LPAR5: variants seen among roughly 807,000 people sequenced by gnomAD.
LPAR5 encodes the protein G protein-coupled receptor 92.
For synonymous variants in LPAR5, 271 were observed against 261.6 expected (o/e 1.04, Z -0.35); for missense variants, 544 against 521.8 (o/e 1.04, Z -0.41).
Position 6,621,307 on chromosome 12 carries a change from G to T in LPAR5, c.-59C>A. ...ATGCCATGGAGCACACCAGAATCAT[G>T]GCATGGCATTCACCTCCGGGGCTGG... is the stretch of plus-strand genomic sequence containing the variant. On this transcript the variant is annotated 5_prime_UTR_variant, in exon 2 of 2. Transcript: ENST00000329858. The T allele has an allele frequency of 7.0e-7, 1 of 1,426,150 alleles. No homozygotes were observed. Among genetic ancestry groups the T allele is most frequent in the Non-Finnish European group, 9.2e-7 (1 of 1,087,146 alleles). The allele number at this position is 1,426,150 out of a possible 1,614,324, so 88.3% of individuals were successfully genotyped here.
At position 6,620,050 on chromosome 12, in the gene LPAR5, T is replaced by C. The variant is rs754793381; in HGVS notation, c.*80A>G. 4 of 1,572,312 alleles carry C rather than the reference T, an allele frequency of 2.5e-6. No individual in the cohort carries two copies. The South Asian group carries it at 4.6e-5, about 18-fold the overall frequency. ...CAAAGGTCCAAGTGCCCAGCCCACC[T>C]TCTTGTGTGTACACCCTGTAAGCCT... On this transcript the variant is annotated 3_prime_UTR_variant, in exon 2 of 2. Coordinates refer to ENST00000329858, the MANE Select transcript of LPAR5 (RefSeq NM_020400.6). This position sits in a 1 kb window ranked among gnomAD's most constrained non-coding sequence, Gnocchi z 6.8.
In LPAR5 at chr12:6,621,224, T is replaced by C. The variant is rs747333675; in HGVS notation, c.25A>G (p.Asn9Asp). 4 of 1,514,874 alleles carry C rather than the reference T, an allele frequency of 2.6e-6. No homozygotes were observed. The highest frequency in any genetic ancestry group is 3.5e-6 in the Non-Finnish European group (4 of 1,130,926). 93.8% of individuals were successfully genotyped at this position (1,514,874 alleles called of 1,614,324 possible). The change falls in exon 2 of 2, where the codon AAC becomes GAC. Residue 9 changes from asparagine (N) to aspartate (D), a missense_variant. By Grantham distance (23) the Asn-to-Asp change is conservative. Transcript: ENST00000329858. MLANSSST[N>D]SSVLPCPDYR... ...TCAGGACACGGGAGAACAGAACTGTTGGTTGAGGAGCTGTTGGCTAACATC... is the reference window on the plus strand; with the variant it reads ...TCAGGACACGGGAGAACAGAACTGTCGGTTGAGGAGCTGTTGGCTAACATC...
chr12:6,625,392 G>T (rs139538304), intron 1 of LPAR5, among the ~76,000 whole-genome samples: 3,431 of 122,864 alleles, frequency 0.028, 65 homozygotes, highest in South Asian at 0.042. Context: ...GCCACTGCAC[G>T]CCAGCCTGGG....
At position 6,620,864 on chromosome 12, in the gene LPAR5, G is replaced by A; in HGVS notation, c.385C>T (p.Leu129=). ...RYAAIVHPLR[L]RHLRRPRVAR... is the part of the protein sequence containing the mutation. ...ACGCGGGGCCGCCGCAGGTGGCGCA[G>A]TCGCAGCGGGTGCACGATGGCGGCG... The change falls in exon 2 of 2, where the codon CTG becomes TTG. Residue 129 remains leucine, a synonymous_variant. Coordinates refer to ENST00000329858, the MANE Select transcript of LPAR5 (RefSeq NM_020400.6). The surrounding 1 kb of genome is among the most constrained non-coding windows in gnomAD (Gnocchi z 6.8). 1.3e-6 allele frequency: 2 copies of A among 1,567,372 alleles called. No homozygotes were observed. The highest frequency in any genetic ancestry group is 1.7e-6 in the Non-Finnish European group (2 of 1,155,842).
chr12:6,620,272 C>G lies in LPAR5; in HGVS notation c.977G>C (p.Arg326Pro). 2 of 1,606,160 alleles carry G rather than the reference C, an allele frequency of 1.2e-6. No individual in the cohort carries two copies. The highest frequency in any genetic ancestry group is 1.7e-6 in the Non-Finnish European group (2 of 1,176,348). The change falls in exon 2 of 2, where the codon CGG (arginine) becomes CCG (proline). Residue 326 changes from arginine (R) to proline (P), a missense_variant. Physicochemically the swap from Arg to Pro is moderately radical, Grantham distance 103. Transcript: ENST00000329858. This position sits in a 1 kb window ranked among gnomAD's most constrained non-coding sequence, Gnocchi z 6.8. ...CCTTTCGGATTGCGCGAGCGCCGCC[C>G]GCGTCCCGTTGGTGGCCGAGGTCCT... is the stretch of plus-strand genomic sequence containing the variant. ...RARTSATNGT[R>P]AALAQSERSA...
rs1416751898 is a variant in LPAR5 at position 6,620,979 on chromosome 12, G to A, written c.270C>T (p.Pro90=). Residue 90 remains proline (P), a synonymous_variant, in exon 2 of 2, where the codon CCC becomes CCT. Coordinates refer to ENST00000329858, the MANE Select transcript of LPAR5 (RefSeq NM_020400.6). The surrounding 1 kb of genome is among the most constrained non-coding windows in gnomAD (Gnocchi z 6.8). Reference sequence around the variant, plus strand: ...CGCCCGTCGTCTGGCACAGGAGGTCGGGGAAGGGCCAGTGGTGCAGTGCGT... The same window carrying A: ...CGCCCGTCGTCTGGCACAGGAGGTCAGGGAAGGGCCAGTGGTGCAGTGCGT... ...SYYALHHWPF[P]DLLCQTTGAI... 1.2e-6 allele frequency: 2 copies of A among 1,613,378 alleles called. No homozygotes were observed. The highest frequency in any genetic ancestry group is 3.3e-5 in the Admixed American group (2 of 59,922).
chr12:6,630,698 C>T (rs955272053), intron 1 of LPAR5, among the ~76,000 whole-genome samples: 9 of 151,806 alleles, frequency 5.9e-5, no homozygotes, highest in South Asian at 2.1e-4. Flanking sequence ...TTGATCCACC[C>T]GGCTCGGCCT....
At position 6,620,321 on chromosome 12, in the gene LPAR5, C is replaced by A; in HGVS notation, c.928G>T (p.Gly310Cys). ...CTGGCCCGGTGCGGAGTGCCCAGGCCGCGCAGGGTGTTGCGGAAGCCCTCG... is the reference window on the plus strand; with the variant it reads ...CTGGCCCGGTGCGGAGTGCCCAGGCAGCGCAGGGTGTTGCGGAAGCCCTCG... ...SAEGFRNTLR[G>C]LGTPHRARTS... is the part of the protein sequence containing the mutation. The change falls in exon 2 of 2, where the codon GGC (glycine) becomes TGC (cysteine). Residue 310 changes from glycine (G) to cysteine (C), a missense_variant. Coordinates refer to ENST00000329858, the MANE Select transcript of LPAR5 (RefSeq NM_020400.6). The surrounding 1 kb of genome is among the most constrained non-coding windows in gnomAD (Gnocchi z 6.8). 1 of 1,608,282 alleles carries A rather than the reference C, an allele frequency of 6.2e-7. No homozygotes were observed.
intron 1 of LPAR5, among the ~76,000 whole-genome samples, chr12:6,623,854 G>C (rs1156473774): frequency 2.6e-5 from 4 of 151,804 alleles, no homozygotes; most frequent in African/African-American, 9.7e-5. Flanking sequence ...TTGAGTACAT[G>C]GGAGGCTGCA....
chr12:6,621,264 T>G lies in LPAR5; in HGVS notation c.-16A>C, dbSNP rs773315144. The G allele has an allele frequency of 1.3e-6, 2 of 1,494,652 alleles. No homozygotes were observed. The highest frequency in any genetic ancestry group is 1.4e-5 in the South Asian group (1 of 70,258). The allele number at this position is 1,494,652 out of a possible 1,614,324, so 92.6% of individuals were successfully genotyped here. On this transcript the variant is annotated 5_prime_UTR_variant, in exon 2 of 2. Coordinates refer to ENST00000329858, the MANE Select transcript of LPAR5 (RefSeq NM_020400.6). The stretch of plus-strand genomic sequence containing the variant: ...TGGCTAACATCGTGCCAAAGTGGGA[T>G]TGGGAGCTAGGCTGGGGATGCCATG...
chr12:6,625,614 T>C (rs1194317503), intron 1 of LPAR5, among the ~76,000 whole-genome samples: 1 of 149,896 alleles, frequency 6.7e-6, no homozygotes, highest in Non-Finnish European at 1.5e-5. Context: ...TCCCAGTTAC[T>C]CAGGAGGCTG....
intron 1 of LPAR5, among the ~76,000 whole-genome samples, chr12:6,632,450 G>A (rs1027357954): frequency 6.6e-6 from 1 of 152,164 alleles, no homozygotes; most frequent in Non-Finnish European, 1.5e-5. Context: ...CCCGACACAG[G>A]AAGTCCCTCT....
At chr12:6,627,344 C>G (rs921746627) in intron 1 of LPAR5, among the ~76,000 whole-genome samples, 1 of 152,128 alleles carries the variant, frequency 6.6e-6, no homozygotes, top group Non-Finnish European at 1.5e-5. Flanking sequence ...GTAATCCCAG[C>G]ACTTTGGGAG....
chr12:6,619,841 C>G lies in LPAR5; in HGVS notation c.*289G>C, dbSNP rs1015956470. 105 of 593,056 alleles carry G rather than the reference C, an allele frequency of 1.8e-4. No individual in the cohort carries two copies. In the African/African-American group the frequency reaches 1.8e-3, roughly 10 times the overall value. The allele number at this position is 593,056 out of a possible 1,614,324, so 36.7% of individuals were successfully genotyped here. On this transcript the variant is annotated 3_prime_UTR_variant, in exon 2 of 2. Coordinates refer to ENST00000329858, the MANE Select transcript of LPAR5 (RefSeq NM_020400.6). Reference sequence around the variant, plus strand: ...TTAGCAGTTTAATGCCCTGCCCACCCAAAGGCATTTCGTCCTCTTCTGCCC... The same window carrying G: ...TTAGCAGTTTAATGCCCTGCCCACCGAAAGGCATTTCGTCCTCTTCTGCCC...
intron 1 of LPAR5, among the ~76,000 whole-genome samples, chr12:6,630,070 T>A (rs1305150413): frequency 2.6e-5 from 4 of 151,990 alleles, no homozygotes; most frequent in African/African-American, 9.7e-5. Flanking sequence ...AGGAATTTTT[T>A]AGCAAAGGAA....
chr12:6,628,928 C>T (rs561904933), intron 1 of LPAR5, among the ~76,000 whole-genome samples: 8 of 151,484 alleles, frequency 5.3e-5, no homozygotes, highest in African/African-American at 1.9e-4. Context: ...CCACCATGCC[C>T]GGCCAATTTC....
chr12:6,620,971 AGGAGGTCGG>A lies in LPAR5; in HGVS notation c.269_277del (p.Pro90_Leu92del). ...GAAGATGGCGCCCGTCGTCTGGCAC[AGGAGGTCGG>A]GGAAGGGCCAGTGGTGCAGTGCGTA... is the stretch of plus-strand genomic sequence containing the variant. On this transcript the variant is annotated inframe_deletion, in exon 2 of 2. Transcript: ENST00000329858. The surrounding 1 kb of genome is among the most constrained non-coding windows in gnomAD (Gnocchi z 6.8). The A allele has an allele frequency of 6.2e-7, 1 of 1,613,360 alleles. No homozygotes were observed.
At chr12:6,627,460 A>T (rs950390088) in intron 1 of LPAR5, among the ~76,000 whole-genome samples, 1 of 151,966 alleles carries the variant, frequency 6.6e-6, no homozygotes, top group African/African-American at 2.4e-5. Context: ...GCGAGGTGGC[A>T]GGTGCCTGTA....
chr12:6,621,332 G>A lies in LPAR5; in HGVS notation c.-84C>T. 1.5e-6 allele frequency: 2 copies of A among 1,339,134 alleles called. No individual in the cohort carries two copies. The highest frequency in any genetic ancestry group is 9.8e-7 in the Non-Finnish European group (1 of 1,019,496). The allele number at this position is 1,339,134 out of a possible 1,614,324, so 83.0% of individuals were successfully genotyped here. On this transcript the variant is annotated 5_prime_UTR_variant, in exon 2 of 2. Transcript: ENST00000329858. ...GGCATGGCATTCACCTCCGGGGCTG[G>A]GGCCTAGAGGCTGTACAGACATGGT...
Sources: gnomAD v4.1 joint callset for allele counts (sites outside exome capture counted in the v4.1 genomes callset) on GRCh38, gnomAD v4.1.1 for gene constraint, Gnocchi (gnomAD v3.1) non-coding constraint, MANE v1.5 for transcripts, NCBI Gene and HGNC (gene_info 2026-07-23, HGNC 2026-07-21) for gene names.